The following SPATA31H1 variants were observed in gnomAD, a reference collection of about 807,000 sequenced individuals.
SPATA31H1 encodes SPATA31 subfamily H member 1, also known as spermatogenesis-associated protein 31H1.
the SPATA31H1 span, chr2:27,578,381 T>A: frequency 6.2e-7 from 1 of 1,614,128 alleles, no homozygotes; most frequent in African/African-American, 1.3e-5. Flanking sequence ...TCGTAAAATC[T>A]GAGGAGTTAG....
At chr2:27,578,466 G>A in the SPATA31H1 span, 3 of 1,614,094 alleles carry the variant, frequency 1.9e-6, no homozygotes, top group Non-Finnish European at 2.5e-6. Context: ...AATAAATTGT[G>A]TGGATTTACT....
chr2:27,568,090 A>T, the SPATA31H1 span: 1 of 399,012 alleles, frequency 2.5e-6, no homozygotes, highest in Non-Finnish European at 4.4e-6. Context: ...GTCACAGATA[A>T]TAAGAAAGTA....
chr2:27,559,828 G>T, the SPATA31H1 span, among the ~76,000 whole-genome samples: 1 of 151,712 alleles, frequency 6.6e-6, no homozygotes, highest in Admixed American at 6.6e-5. Flanking sequence ...ATGGGTTTCT[G>T]TTTCTTACAA....
At chr2:27,569,487 T>C in the SPATA31H1 span, 1 of 398,934 alleles carries the variant, frequency 2.5e-6, no homozygotes, top group South Asian at 1.3e-4. Flanking sequence ...ACTGCAAAAT[T>C]TGAAATCTAT....
chr2:27,578,498 A>C, the SPATA31H1 span: 1 of 1,614,154 alleles, frequency 6.2e-7, no homozygotes, highest in South Asian at 1.1e-5. Flanking sequence ...ATCTTCAAGA[A>C]CTGATAGTAC....
the SPATA31H1 span, chr2:27,578,536 C>G: frequency 0.52 from 837,082 of 1,610,676 alleles, 223,374 homozygotes; most frequent in East Asian, 0.86. Context: ...AGTCCATGTA[C>G]TCAAGTGAAG....
the SPATA31H1 span, chr2:27,577,373 G>A: frequency 3.4e-5 from 55 of 1,613,910 alleles, no homozygotes; most frequent in South Asian, 2.2e-4. The surrounding 1 kb of genome is among the most constrained non-coding windows in gnomAD (Gnocchi z 4.5). Context: ...GGATTACTCC[G>A]GAACTCAAGC....
chr2:27,554,268 C>T, the SPATA31H1 span, among the ~76,000 whole-genome samples: 1 of 151,938 alleles, frequency 6.6e-6, no homozygotes, highest in Non-Finnish European at 1.5e-5. Context: ...TTCTAGCATG[C>T]GCCTCAAAAC....
At chr2:27,548,595 C>T in the SPATA31H1 span, among the ~76,000 whole-genome samples, 1 of 140,764 alleles carries the variant, frequency 7.1e-6, no homozygotes, top group African/African-American at 2.6e-5. Flanking sequence ...GTGACGGAGC[C>T]AGGCCCTGTT....
chr2:27,552,497 CGTAA>C, the SPATA31H1 span, among the ~76,000 whole-genome samples: 8 of 151,892 alleles, frequency 5.3e-5, no homozygotes, highest in African/African-American at 1.9e-4. Context: ...ACTACAGCTT[CGTAA>C]GTTTTAAAAT....
At chr2:27,571,947 G>C in the SPATA31H1 span, 5 of 398,382 alleles carry the variant, frequency 1.3e-5, no homozygotes, top group Non-Finnish European at 2.2e-5. Context: ...CCTTGAGCCT[G>C]AACAGGATGG....
chr2:27,541,370 C>G, the SPATA31H1 span, among the ~76,000 whole-genome samples: 1 of 150,732 alleles, frequency 6.6e-6, no homozygotes, highest in Non-Finnish European at 1.5e-5. Context: ...GGCTCGGCAT[C>G]AGAGGGAGAC....
the SPATA31H1 span, among the ~76,000 whole-genome samples, chr2:27,563,678 G>A: frequency 6.6e-6 from 1 of 151,574 alleles, no homozygotes; most frequent in Non-Finnish European, 1.5e-5. Flanking sequence ...TCCTGCCTCA[G>A]CCTCCCAAGT....
chr2:27,541,870 G>C, the SPATA31H1 span, among the ~76,000 whole-genome samples: 2 of 152,010 alleles, frequency 1.3e-5, no homozygotes, highest in African/African-American at 4.8e-5. Context: ...TCCTGAGCTC[G>C]AGTGATTCTC....
chr2:27,568,008 A>G, the SPATA31H1 span: 2 of 399,002 alleles, frequency 5.0e-6, no homozygotes, highest in Non-Finnish European at 4.4e-6. Context: ...CATTCAATCA[A>G]TGGAGGCAGC....
At chr2:27,548,344 A>G in the SPATA31H1 span, among the ~76,000 whole-genome samples, 8 of 151,866 alleles carry the variant, frequency 5.3e-5, no homozygotes, top group African/African-American at 1.9e-4. Context: ...GCAGTGACTC[A>G]AGTCTGTAAC....
At chr2:27,582,244 T>C in the SPATA31H1 span, 3 of 1,611,606 alleles carry the variant, frequency 1.9e-6, no homozygotes, top group South Asian at 3.3e-5. Flanking sequence ...CCCTCCGGGA[T>C]GAGGCAAGGG....
At chr2:27,565,451 C>T in the SPATA31H1 span, 1 of 712,442 alleles carries the variant, frequency 1.4e-6, no homozygotes, top group South Asian at 1.5e-5. Context: ...AGCCTTATGA[C>T]TCTAGCCTTA....
the SPATA31H1 span, among the ~76,000 whole-genome samples, chr2:27,537,790 G>T: frequency 3.9e-5 from 6 of 152,210 alleles, no homozygotes; most frequent in East Asian, 1.2e-3. Context: ...GAGGTGAAGT[G>T]GGGGAGATGG....
Sources: gnomAD v4.1 joint callset for allele counts (sites outside exome capture counted in the v4.1 genomes callset) on GRCh38, gnomAD v4.1.1 for gene constraint, Gnocchi (gnomAD v3.1) non-coding constraint, MANE v1.5 for transcripts, NCBI Gene and HGNC (gene_info 2026-07-23, HGNC 2026-07-21) for gene names.